Variants in CPAMD8 observed in about 807,000 individuals in gnomAD.
CPAMD8 encodes the protein C3 and PZP-like alpha-2-macroglobulin domain-containing protein 8.
In CPAMD8, 146 loss-of-function variants were observed where a neutral mutation model predicts 224.7. The ratio of observed to expected loss-of-function variants is 0.65; its 90% CI spans 0.57 to 0.75. The LOEUF is 0.75. Among genes scored for constraint, CPAMD8 ranks in the 30% least tolerant of loss-of-function variants. CPAMD8 has a pLI of 0.00. For missense variants in CPAMD8, 2,301 were observed against 2,537.5 expected, an observed-to-expected ratio of 0.91 and a Z score of 2.00; for synonymous variants, 966 against 1,044.6, an observed-to-expected ratio of 0.92 and a Z score of 1.45.
chr19:16,918,960 T>TG (rs1225794718), intron 27 of CPAMD8, among the ~76,000 whole-genome samples: 1 of 151,906 alleles, frequency 6.6e-6, no homozygotes, highest in Non-Finnish European at 1.5e-5. Flanking sequence ...CTCAGCACTT[T>TG]GGGAGGCTGA....
At chr19:16,960,766 G>A (rs935395771) in intron 18 of CPAMD8, among the ~76,000 whole-genome samples, 5 of 151,824 alleles carry the variant, frequency 3.3e-5, no homozygotes, top group African/African-American at 1.2e-4. Context: ...GCCGGGTTTG[G>A]TGGTGCAGGC....
At chr19:16,953,369 G>A (rs1369909080) in intron 19 of CPAMD8, among the ~76,000 whole-genome samples, 1 of 150,832 alleles carries the variant, frequency 6.6e-6, no homozygotes, top group African/African-American at 2.4e-5. Context: ...TAGACAAGTT[G>A]GACTTTATGA....
chr19:16,916,918 T>C (rs1331687066), intron 27 of CPAMD8, among the ~76,000 whole-genome samples: 1 of 152,034 alleles, frequency 6.6e-6, no homozygotes, highest in African/African-American at 2.4e-5. Flanking sequence ...TTACCAGCTA[T>C]GCACACTGCA....
chr19:16,903,472 GGGGGTCCCT>G, intron 34 of CPAMD8, 80 bp downstream of exon 34: 1 of 1,582,442 alleles, frequency 6.3e-7, no homozygotes. Flanking sequence ...AGAACCCTCT[GGGGGTCCCT>G]GGGGTTCCAC....
intron 29 of CPAMD8, among the ~76,000 whole-genome samples, chr19:16,909,539 A>G (rs2052645967): frequency 6.6e-6 from 1 of 151,932 alleles, no homozygotes; most frequent in Non-Finnish European, 1.5e-5. Flanking sequence ...GCGAGACTCC[A>G]TCTCAAAAAG....
chr19:16,987,744 G>A lies in CPAMD8; in HGVS notation c.1395+1899C>T, dbSNP rs190390457. Among the ~76,000 whole-genome samples the A allele has an allele frequency of 4.7e-3, 712 of 152,124 alleles. 4 individuals are homozygous for A. Among genetic ancestry groups the A allele is most frequent in the Middle Eastern group, 0.017 (5 of 294 alleles). ...TGTTTCACTGCGGTCCCAATCTCCC[G>A]GGCTCAAGTGATCCTCCTGCCTCAG... is the stretch of plus-strand genomic sequence containing the variant. On this transcript the variant is annotated intron_variant, in intron 13 of 41. Transcript: ENST00000443236.
intron 21 of CPAMD8, 124 bp downstream of exon 21, chr19:16,946,950 T>G: frequency 9.9e-7 from 1 of 1,009,150 alleles, no homozygotes; most frequent in Non-Finnish European, 1.4e-6. Context: ...CTGTCCCATT[T>G]TCCTTGGGAC....
intron 11 of CPAMD8, among the ~76,000 whole-genome samples, chr19:16,994,061 C>T (rs112430221): frequency 0.012 from 1,869 of 152,280 alleles, 35 homozygotes; most frequent in African/African-American, 0.042. Context: ...TATGATGGTG[C>T]CACTGCACTC....
intron 13 of CPAMD8, among the ~76,000 whole-genome samples, chr19:16,988,973 T>C (rs1420927279): frequency 6.6e-6 from 1 of 152,178 alleles, no homozygotes; most frequent in African/African-American, 2.4e-5. Context: ...GCACGGGATC[T>C]AGGTTGCATG....
Position 16,975,107 on chromosome 19 carries a change from A to G in CPAMD8, c.2060T>C (p.Phe687Ser). The change falls in exon 17 of 42, where the codon TTT becomes TCT. Residue 687 changes from phenylalanine (F) to serine (S), a missense_variant. Transcript: ENST00000443236. ...WPWGITKDSG[F>S]AFTETGLVVM... The stretch of plus-strand genomic sequence containing the variant: ...ACCACCTCTCCTTACGGTGAAGGCA[A>G]ACCCAGAGTCCTTGGTGATGCCCCA... 1 of 1,612,292 alleles carries G rather than the reference A, an allele frequency of 6.2e-7. No individual in the cohort carries two copies. The highest frequency in any genetic ancestry group is 8.5e-7 in the Non-Finnish European group (1 of 1,179,776).
Position 16,898,508 on chromosome 19 carries a change from G to A in CPAMD8, c.4849-514C>T, listed in dbSNP as rs926610579. The stretch of plus-strand genomic sequence containing the variant: ...CACGCATGGCTGAGCATGTGTGGGT[G>A]GGAGTCAGCACATTCACGATACTGT... On this transcript the variant is annotated intron_variant, in intron 37 of 41. Coordinates refer to ENST00000443236, the MANE Select transcript of CPAMD8 (RefSeq NM_015692.5). This position sits in a 1 kb window ranked among gnomAD's most constrained non-coding sequence, Gnocchi z 4.2. 2.0e-5 allele frequency among the ~76,000 whole-genome samples: 3 copies of A among 152,078 alleles called. No individual in the cohort carries two copies. Among genetic ancestry groups the A allele is most frequent in the Non-Finnish European group, 4.4e-5 (3 of 68,006 alleles).
At chr19:16,955,021 A>G (rs1568524536) in intron 19 of CPAMD8, among the ~76,000 whole-genome samples, 1 of 152,156 alleles carries the variant, frequency 6.6e-6, no homozygotes, top group Non-Finnish European at 1.5e-5. Context: ...CCAGCTACTC[A>G]GGAGGCTGAG....
intron 7 of CPAMD8, among the ~76,000 whole-genome samples, chr19:17,007,456 T>G (rs1204621534): frequency 1.5e-5 from 2 of 132,006 alleles, no homozygotes; most frequent in African/African-American, 2.9e-5. Flanking sequence ...AGAAGGAAGA[T>G]CGAAGAAGAA....
rs1017736653 is a variant in CPAMD8 at position 16,938,304 on chromosome 19, G to C, written c.2845+91C>G. ...AGGGCAGGTGCTCACTTTGCAGCGG[G>C]ACAGCCCCCACAGTGTGGGAAAGGG... On this transcript the variant is annotated intron_variant, in intron 23 of 41. Coordinates refer to ENST00000443236, the MANE Select transcript of CPAMD8 (RefSeq NM_015692.5). The C allele has an allele frequency of 1.1e-5, 7 of 635,894 alleles. No homozygotes were observed. The Admixed American group carries it at 1.5e-4, about 13-fold the overall frequency. 39.4% of individuals were successfully genotyped at this position (635,894 alleles called of 1,614,324 possible).
intron 18 of CPAMD8, among the ~76,000 whole-genome samples, chr19:16,964,326 A>G (rs2122549936): frequency 6.6e-6 from 1 of 152,314 alleles, no homozygotes; most frequent in Admixed American, 6.5e-5. Context: ...GAGAAGAATC[A>G]AATAGACGCA....
intron 16 of CPAMD8, among the ~76,000 whole-genome samples, 182 bp from the exon 17 acceptor site, chr19:16,975,440 C>T (rs1213551079): frequency 6.6e-6 from 1 of 152,168 alleles, no homozygotes; most frequent in Non-Finnish European, 1.5e-5. Context: ...GGCACAGTGG[C>T]CCATGCCTCT....
chr19:16,945,822 T>C, intron 21 of CPAMD8, 143 bp from the exon 22 acceptor site: 1 of 765,172 alleles, frequency 1.3e-6, no homozygotes, highest in East Asian at 2.5e-5. Context: ...GATGTGTGCA[T>C]GCATGCAAGT....
intron 18 of CPAMD8, among the ~76,000 whole-genome samples, chr19:16,969,116 A>C (rs1046242566): frequency 6.6e-6 from 1 of 152,216 alleles, no homozygotes; most frequent in African/African-American, 2.4e-5. Context: ...TGGGAGATCA[A>C]GCCCCAGGTT....
At chr19:16,967,289 T>C (rs1027322541) in intron 18 of CPAMD8, among the ~76,000 whole-genome samples, 2 of 126,648 alleles carry the variant, frequency 1.6e-5, no homozygotes, top group Non-Finnish European at 3.1e-5. Flanking sequence ...AACTGAACAA[T>C]GAGAACACCT....
Sources: gnomAD v4.1 joint callset for allele counts (sites outside exome capture counted in the v4.1 genomes callset) on GRCh38, gnomAD v4.1.1 for gene constraint, Gnocchi (gnomAD v3.1) non-coding constraint, MANE v1.5 for transcripts, NCBI Gene and HGNC (gene_info 2026-07-23, HGNC 2026-07-21) for gene names.